Variants in PLD4 observed in about 807,000 individuals in gnomAD.
PLD4 encodes phospholipase D family member 4.
A neutral mutation model predicts 52.3 loss-of-function variants in PLD4; 54 were observed. The ratio of observed to expected loss-of-function variants is 1.03; its 90% CI spans 0.83 to 1.30. The LOEUF (loss-of-function observed/expected upper bound fraction) is 1.30. Ranked by LOEUF, PLD4 falls within the 50% of genes most tolerant of loss-of-function variation. The probability of loss-of-function intolerance (pLI) is 0.00; values close to 1 mark genes in which losing one functional copy is unlikely to be tolerated. For synonymous variants in PLD4, 264 were observed against 286.5 expected, an observed-to-expected ratio of 0.92 and a Z score of 0.79; for missense variants, 731 against 671.1, an observed-to-expected ratio of 1.09 and a Z score of -0.99.
intron 5 of PLD4, among the ~76,000 whole-genome samples, chr14:104,929,653 A>G (rs1015887141): frequency 1.3e-5 from 2 of 152,176 alleles, no homozygotes; most frequent in Non-Finnish European, 2.9e-5. Context: ...CACAGGGCAG[A>G]GCACAGGTGG....
intron 6 of PLD4, 174 bp from the exon 7 acceptor site, chr14:104,930,568 G>A (rs1746818709): frequency 7.7e-6 from 5 of 648,914 alleles, no homozygotes; most frequent in South Asian, 7.6e-5. Context: ...CACCCGCTGG[G>A]CACTCCTCCC....
At chr14:104,937,036 G>C (rs970627250), downstream of PLD4, 10 of 152,206 alleles carry the variant, frequency 6.6e-5, no homozygotes, top group African/African-American at 2.4e-4. Context: ...GTACGTCTGT[G>C]TCCCTGCCAC....
intron 5 of PLD4, 45 bp from the exon 6 acceptor site, chr14:104,929,933 A>T: frequency 6.2e-7 from 1 of 1,608,172 alleles, no homozygotes. Context: ...TGAAGCTAGC[A>T]CTTAGCAAGA....
chr14:104,932,949 C>A lies in PLD4; in HGVS notation c.1506C>A (p.Cys502Ter). 3 of 1,591,816 alleles carry A rather than the reference C, an allele frequency of 1.9e-6. No homozygotes were observed. The highest frequency in any genetic ancestry group is 2.6e-6 in the Non-Finnish European group (3 of 1,171,038). Reference protein sequence around the residue: ...GLDGQAPGQDCVWQG With the variant: ...GLDGQAPGQD ...ACGGACAGGCTCCGGGCCAGGACTGCGTTTGGCAGGGCTGAGGGGGGCCTC... is the reference window on the plus strand; with the variant it reads ...ACGGACAGGCTCCGGGCCAGGACTGAGTTTGGCAGGGCTGAGGGGGGCCTC... The change falls in exon 11 of 11, where the codon TGC (cysteine) becomes TGA (stop). Residue 502 changes from cysteine to a stop codon, truncating the protein, a stop_gained. Coordinates refer to ENST00000392593, the MANE Select transcript of PLD4 (RefSeq NM_138790.5). LOFTEE classifies it high-confidence loss of function. This position sits in a 1 kb window ranked among gnomAD's most constrained non-coding sequence, Gnocchi z 6.5.
At position 104,930,102 on chromosome 14, in the gene PLD4, G is replaced by A. The variant is rs748951365; in HGVS notation, c.714G>A (p.Thr238=). The A allele has an allele frequency of 8.1e-6, 13 of 1,613,094 alleles. No individual in the cohort carries two copies. The highest frequency in any genetic ancestry group is 1.6e-4 in the Middle Eastern group (1 of 6,078). Residue 238 remains threonine, a synonymous_variant, in exon 6 of 11, where the codon ACG becomes ACA. Coordinates refer to ENST00000392593, the MANE Select transcript of PLD4 (RefSeq NM_138790.5). ...CCAACATGGACTGGCGGTCTCTGACGCAGGTGAGTGCCAGGGCCCTAACAC... is the reference window on the plus strand; with the variant it reads ...CCAACATGGACTGGCGGTCTCTGACACAGGTGAGTGCCAGGGCCCTAACAC... The part of the protein sequence containing the change: ...GSANMDWRSL[T]QVKELGAVIY...
chr14:104,932,131 C>A lies in PLD4; in HGVS notation c.1178C>A (p.Ser393Tyr). The A allele has an allele frequency of 6.2e-7, 1 of 1,611,506 alleles. No homozygotes were observed. Among genetic ancestry groups the A allele is most frequent in the Non-Finnish European group, 8.5e-7 (1 of 1,179,368 alleles). The change falls in exon 9 of 11, where the codon TCC (serine) becomes TAC (tyrosine). Residue 393 changes from serine (S) to tyrosine (Y), a missense_variant. Transcript: ENST00000392593. This position sits in a 1 kb window ranked among gnomAD's most constrained non-coding sequence, Gnocchi z 6.5. ...TDPTMFPYLR[S>Y]LQALSNPAAN... The stretch of plus-strand genomic sequence containing the variant: ...CCCACCATGTTCCCCTACCTGCGGT[C>A]CCTGCAGGCGCTCAGCAACCCCGCG...
At chr14:104,937,495 A>G (rs1897840106), downstream of PLD4, 1 of 152,354 alleles carries the variant, frequency 6.6e-6, no homozygotes, top group African/African-American at 2.4e-5. Context: ...TTTGCCCAGC[A>G]TGTGTGCATT....
intron 1 of PLD4, among the ~76,000 whole-genome samples, chr14:104,926,895 C>T (rs753947697): frequency 2.0e-5 from 3 of 152,352 alleles, no homozygotes; most frequent in African/African-American, 4.8e-5. Flanking sequence ...GCAGTCCTTC[C>T]GGCTTGGCCA....
downstream of PLD4, chr14:104,936,241 G>A (rs1361575309): frequency 6.6e-6 from 1 of 152,196 alleles, no homozygotes; most frequent in Non-Finnish European, 1.5e-5. Flanking sequence ...CTCCCCCTGG[G>A]CTGCACTCAC....
chr14:104,929,278 C>A, intron 4 of PLD4, 29 bp from the exon 5 acceptor site: 1 of 1,582,382 alleles, frequency 6.3e-7, no homozygotes, highest in South Asian at 1.2e-5. Context: ...AGCCTGAGGT[C>A]AGCTCTCATG....
chr14:104,931,649 T>G, intron 7 of PLD4, 99 bp from the exon 8 acceptor site: 1 of 1,443,188 alleles, frequency 6.9e-7, no homozygotes, highest in East Asian at 2.5e-5. Context: ...GCCCCCTCCC[T>G]CCACACCACA....
Position 104,932,623 on chromosome 14 carries a change from G to T in PLD4, c.1322-142G>T. On this transcript the variant is annotated intron_variant, in intron 10 of 10. Coordinates refer to ENST00000392593, the MANE Select transcript of PLD4 (RefSeq NM_138790.5). The surrounding 1 kb of genome is among the most constrained non-coding windows in gnomAD (Gnocchi z 6.5). ...CTGTCCCTCCCGCACCTAAGCGAGG[G>T]GCTTCCCCGGCTGGAGTCTGATGAC... 1 of 927,730 alleles carries T rather than the reference G, an allele frequency of 1.1e-6. No individual in the cohort carries two copies. Among genetic ancestry groups the T allele is most frequent in the Non-Finnish European group, 1.6e-6 (1 of 625,728 alleles). 57.5% of individuals were successfully genotyped at this position (927,730 alleles called of 1,614,324 possible).
intron 2 of PLD4, among the ~76,000 whole-genome samples, 179 bp from the exon 3 acceptor site, chr14:104,927,494 T>C (rs575842197): frequency 3.3e-5 from 5 of 152,292 alleles, no homozygotes; most frequent in African/African-American, 1.2e-4. Flanking sequence ...CACCCTGGGC[T>C]GGGGGCCTTC....
chr14:104,930,049 G>T lies in PLD4; in HGVS notation c.661G>T (p.Asp221Tyr). The part of the protein sequence containing the change: ...GVLHSKFWVV[D>Y]GRHIYMGSAN... Reference sequence around the variant, plus strand: ...TTTGCACTCCAAATTCTGGGTTGTGGATGGACGGCACATATACATGGGCAG... The same window carrying T: ...TTTGCACTCCAAATTCTGGGTTGTGTATGGACGGCACATATACATGGGCAG... Residue 221 changes from aspartate (D) to tyrosine (Y), a missense_variant, in exon 6 of 11, where the codon GAT becomes TAT. By Grantham distance (160) the Asp-to-Tyr change is radical (BLOSUM62 -3). Transcript: ENST00000392593. 6.2e-7 allele frequency: 1 copy of T among 1,613,678 alleles called. No individual in the cohort carries two copies. The highest frequency in any genetic ancestry group is 1.3e-5 in the African/African-American group (1 of 75,050).
chr14:104,930,626 TG>T, intron 6 of PLD4, 115 bp from the exon 7 acceptor site: 2 of 1,081,064 alleles, frequency 1.9e-6, no homozygotes, highest in South Asian at 1.4e-5. Context: ...TTCCCGCAAG[TG>T]GGGACCAGTC....
At chr14:104,929,270 C>T (rs1428118317) in intron 4 of PLD4, 37 bp from the exon 5 acceptor site, 1 of 1,579,804 alleles carries the variant, frequency 6.3e-7, no homozygotes, top group African/African-American at 1.3e-5. Context: ...GAGAGGGCAG[C>T]CTGAGGTCAG....
At chr14:104,934,413 C>T (rs1897766011), downstream of PLD4, 1 of 152,190 alleles carries the variant, frequency 6.6e-6, no homozygotes, top group South Asian at 2.1e-4. Flanking sequence ...CCAGGTTTGG[C>T]AACTCAGTTC....
downstream of PLD4, chr14:104,935,376 C>G (rs1196295247): frequency 6.6e-6 from 1 of 152,282 alleles, no homozygotes; most frequent in Admixed American, 6.5e-5. Context: ...AGTCACACCT[C>G]AGTGGCACTG....
Position 104,927,797 on chromosome 14 carries a change from G to A in PLD4, c.215G>A (p.Trp72Ter). ...QVQPKDVPRS[W>*]EHGSSPAWEP... ...CAGCCCAAGGACGTGCCCAGGTCCT[G>A]GGAGCATGGCTCCAGCCCAGCTTGG... The change falls in exon 3 of 11, where the codon TGG becomes TAG. Residue 72 changes from tryptophan (W) to a stop codon, truncating the protein, a stop_gained. Transcript: ENST00000392593. LOFTEE classifies it high-confidence loss of function. 6.3e-7 allele frequency: 1 copy of A among 1,597,870 alleles called. No homozygotes were observed. The highest frequency in any genetic ancestry group is 1.7e-5 in the Admixed American group (1 of 59,226).
Sources: gnomAD v4.1 joint callset for allele counts (sites outside exome capture counted in the v4.1 genomes callset) on GRCh38, gnomAD v4.1.1 for gene constraint, Gnocchi (gnomAD v3.1) non-coding constraint, MANE v1.5 for transcripts, NCBI Gene and HGNC (gene_info 2026-07-23, HGNC 2026-07-21) for gene names.